SORBS2: variants seen among roughly 807,000 people sequenced by gnomAD.
The protein encoded by SORBS2 is sorbin and SH3 domain containing 2, also known as sorbin and SH3 domain-containing protein 2.
Under a neutral mutation model 97.7 loss-of-function variants are expected in SORBS2, and 46 were observed. The ratio of observed to expected loss-of-function variants is 0.47; its 90% CI spans 0.37 to 0.60. SORBS2 has a LOEUF of 0.60. Among genes scored for constraint, SORBS2 ranks in the 20% least tolerant of loss-of-function variants. SORBS2 has a pLI of 0.00. For missense variants in SORBS2, 1,316 were observed against 1,282.3 expected (o/e 1.03, Z -0.40); for synonymous variants, 476 against 473.4 (o/e 1.01, Z -0.07).
chr4:185,696,579 G>A (rs988956633), intron 2 of SORBS2, among the ~76,000 whole-genome samples: 10 of 152,018 alleles, frequency 6.6e-5, no homozygotes, highest in African/African-American at 2.4e-4. Context: ...TCAGCCTCCC[G>A]AGTAGCTGGG....
chr4:185,758,262 C>G (rs1323062387), intron 2 of SORBS2, among the ~76,000 whole-genome samples: 1 of 152,204 alleles, frequency 6.6e-6, no homozygotes. Flanking sequence ...TTGCTCTAGC[C>G]AGGACCCCAT....
intron 1 of SORBS2, among the ~76,000 whole-genome samples, chr4:185,863,792 A>G (rs1561246184): frequency 6.6e-6 from 1 of 152,176 alleles, no homozygotes; most frequent in Non-Finnish European, 1.5e-5. Flanking sequence ...TAATCTATCA[A>G]ATGCTATGAT....
intron 1 of SORBS2, among the ~76,000 whole-genome samples, chr4:185,800,505 G>A (rs961551143): frequency 6.6e-6 from 1 of 152,068 alleles, no homozygotes; most frequent in African/African-American, 2.4e-5. Context: ...TCTCCCCTCT[G>A]TGAGCTGGGC....
rs556660068 is a variant in SORBS2 at position 185,756,322 on chromosome 4, G to C, written c.-198+18905C>G. Among the ~76,000 whole-genome samples, 11 of 152,146 alleles carry C rather than the reference G, an allele frequency of 7.2e-5. No homozygotes were observed. The South Asian group carries it at 2.3e-3, about 32-fold the overall frequency. On this transcript the variant is annotated intron_variant, in intron 2 of 20. Transcript: ENST00000284776. ...TTCCCCTTAGTATAGCTATAATTTT[G>C]CTGTTTATGTCACATGGATTTTTAA...
chr4:185,841,758 G>T (rs2099211696), intron 1 of SORBS2, among the ~76,000 whole-genome samples: 1 of 152,108 alleles, frequency 6.6e-6, no homozygotes, highest in African/African-American at 2.4e-5. Context: ...GACTAGCAGT[G>T]GCTTCTCTGA....
chr4:185,657,504 T>C (rs774634175), upstream of SORBS2: 7 of 1,568,390 alleles, frequency 4.5e-6, no homozygotes, highest in Middle Eastern at 1.7e-4. Flanking sequence ...ACTGTCACTC[T>C]CTTCTCTTCC....
intron 1 of SORBS2, among the ~76,000 whole-genome samples, chr4:185,912,421 C>T (rs971472536): frequency 2.0e-5 from 3 of 151,650 alleles, no homozygotes; most frequent in Admixed American, 6.6e-5. Context: ...CCCGTCTCTA[C>T]TAAAAATACA....
intron 13 of SORBS2, among the ~76,000 whole-genome samples, chr4:185,590,610 TA>T (rs1161611719): frequency 1.3e-5 from 2 of 152,200 alleles, no homozygotes; most frequent in Non-Finnish European, 2.9e-5. Flanking sequence ...GAATTATTGA[TA>T]GAATGCTATC....
intron 13 of SORBS2, among the ~76,000 whole-genome samples, chr4:185,592,558 G>A (rs1580441706): frequency 6.6e-6 from 1 of 151,976 alleles, no homozygotes; most frequent in East Asian, 1.9e-4. Context: ...CGATCTTTTT[G>A]TTTGTTTGTT....
intron 4 of SORBS2, among the ~76,000 whole-genome samples, chr4:185,668,141 G>A (rs1487094107): frequency 6.6e-6 from 1 of 152,120 alleles, no homozygotes; most frequent in Non-Finnish European, 1.5e-5. Flanking sequence ...AAAATCTAAT[G>A]ACTTTAACCC....
At chr4:185,806,145 A>G (rs913169691) in intron 1 of SORBS2, among the ~76,000 whole-genome samples, 1 of 152,244 alleles carries the variant, frequency 6.6e-6, no homozygotes, top group South Asian at 2.1e-4. Flanking sequence ...CGAAGGCTTA[A>G]TGAAGCACAT....
At chr4:185,831,127 A>T (rs1349873603) in intron 1 of SORBS2, among the ~76,000 whole-genome samples, 1 of 152,208 alleles carries the variant, frequency 6.6e-6, no homozygotes, top group Non-Finnish European at 1.5e-5. Flanking sequence ...ACTTGATCGT[A>T]CACTCTAAAA....
At position 185,684,185 on chromosome 4, in the gene SORBS2, T is replaced by C. The variant is rs1005157387; in HGVS notation, c.-197-5363A>G. On this transcript the variant is annotated intron_variant, in intron 2 of 20. Transcript: ENST00000284776. This position sits in a 1 kb window ranked among gnomAD's most constrained non-coding sequence, Gnocchi z 4.2. Reference sequence around the variant, plus strand: ...AACTTCGGTACTGTGGCTTAGGTAGTCACAACAGAGATTTATTAAAAAGAG... The same window carrying C: ...AACTTCGGTACTGTGGCTTAGGTAGCCACAACAGAGATTTATTAAAAAGAG... Among the ~76,000 whole-genome samples, 6 of 152,196 alleles carry C rather than the reference T, an allele frequency of 3.9e-5. No individual in the cohort carries two copies. Among genetic ancestry groups the C allele is most frequent in the Non-Finnish European group, 7.3e-5 (5 of 68,032 alleles).
chr4:185,618,449 C>T, intron 9 of SORBS2, 136 bp downstream of exon 21: 2 of 438,656 alleles, frequency 4.6e-6, no homozygotes, highest in Admixed American at 7.8e-5. Context: ...CTGAAGGAAC[C>T]ATTTAATTAG....
At chr4:185,658,678 A>G (rs1391901636), upstream of SORBS2, among the ~76,000 whole-genome samples, 1 of 147,134 alleles carries the variant, frequency 6.8e-6, no homozygotes, top group African/African-American at 2.5e-5. Flanking sequence ...AAAAATTTGT[A>G]TAAAATAAGT....
At chr4:185,614,851 C>T in exon 11 of SORBS2, 1 of 1,614,162 alleles carries the variant, frequency 6.2e-7, no homozygotes, top group South Asian at 1.1e-5. Flanking sequence ...GACAGCTCCA[C>T]ATTTGTGTCT....
chr4:185,843,110 G>C (rs1299975537), intron 1 of SORBS2, among the ~76,000 whole-genome samples: 1 of 152,030 alleles, frequency 6.6e-6, no homozygotes, highest in African/African-American at 2.4e-5. Flanking sequence ...TGGGTAGAAA[G>C]AACAGAGCAC....
intron 1 of SORBS2, among the ~76,000 whole-genome samples, chr4:185,863,517 A>G (rs1389768405): frequency 6.6e-6 from 1 of 152,218 alleles, no homozygotes; most frequent in East Asian, 1.9e-4. Flanking sequence ...GAATTGAGTT[A>G]TTTCACAGAT....
intron 2 of SORBS2, among the ~76,000 whole-genome samples, chr4:185,715,397 C>T (rs1447233849): frequency 2.7e-5 from 4 of 150,884 alleles, no homozygotes; most frequent in African/African-American, 9.7e-5. Context: ...TTGAGAAAAG[C>T]CCTATGAAAA....
Sources: gnomAD v4.1 joint callset for allele counts (sites outside exome capture counted in the v4.1 genomes callset) on GRCh38, gnomAD v4.1.1 for gene constraint, Gnocchi (gnomAD v3.1) non-coding constraint, MANE v1.5 for transcripts, NCBI Gene and HGNC (gene_info 2026-07-23, HGNC 2026-07-21) for gene names.